SAMMSON: variants seen among roughly 807,000 people sequenced by gnomAD.
The protein encoded by SAMMSON is survival associated mitochondrial melanoma specific oncogenic non-coding RNA.
intron 4 of SAMMSON, among the ~76,000 whole-genome samples, chr3:70,239,398 G>A (rs546951756): frequency 6.6e-6 from 1 of 152,138 alleles, no homozygotes; most frequent in South Asian, 2.1e-4. Flanking sequence ...CACCATTCAG[G>A]ATGTTATGCA....
In SAMMSON at chr3:70,293,089, G is replaced by A. The variant is rs149626024; in HGVS notation, n.739+1846G>A. 5.1e-3 allele frequency among the ~76,000 whole-genome samples: 705 copies of A among 138,954 alleles called. 8 individuals carry two copies. The highest frequency in any genetic ancestry group is 0.018 in the African/African-American group (669 of 37,850). 91.2% of individuals were successfully genotyped at this position (138,954 alleles called of 152,430 possible). ...AAAAAAAAGTAGCATATTACATGAC[G>A]AGAAGAAAGAAAATTCAGTATTCAC... On this transcript the variant is annotated intron_variant and non_coding_transcript_variant, in intron 7 of 9. Transcript: ENST00000642114.
intron 1 of SAMMSON, among the ~76,000 whole-genome samples, chr3:70,002,292 C>CGTTGAAGG (rs2107573742): frequency 6.6e-6 from 1 of 152,186 alleles, no homozygotes; most frequent in South Asian, 2.1e-4. Context: ...CATCAAACAG[C>CGTTGAAGG]GTTGAAGGCC....
intron 4 of SAMMSON, among the ~76,000 whole-genome samples, chr3:70,247,696 C>T (rs1166555593): frequency 1.3e-5 from 2 of 151,618 alleles, no homozygotes; most frequent in Non-Finnish European, 2.9e-5. Flanking sequence ...GGTTTTGTTT[C>T]TACTGTATAC....
At chr3:70,255,030 T>TATAA (rs527682897) in intron 6 of SAMMSON, among the ~76,000 whole-genome samples, 140 of 152,322 alleles carry the variant, frequency 9.2e-4, no homozygotes, top group African/African-American at 3.2e-3. Flanking sequence ...AACAATACTT[T>TATAA]TTGAAATGAG....
chr3:70,356,668 C>G (rs1575632688), intron 8 of SAMMSON, among the ~76,000 whole-genome samples: 1 of 152,016 alleles, frequency 6.6e-6, no homozygotes, highest in Non-Finnish European at 1.5e-5. Flanking sequence ...AACTCTTAAA[C>G]TTTTAAAATA....
intron 3 of SAMMSON, among the ~76,000 whole-genome samples, chr3:70,063,094 A>AC (rs950324750): frequency 9.6e-6 from 1 of 104,620 alleles, no homozygotes; most frequent in South Asian, 3.3e-4. Flanking sequence ...AGCCCCCCCC[A>AC]CCCCCGCCGC....
intron 4 of SAMMSON, among the ~76,000 whole-genome samples, chr3:70,130,993 T>C (rs555062712): frequency 6.6e-6 from 1 of 152,296 alleles, no homozygotes; most frequent in African/African-American, 2.4e-5. Flanking sequence ...TAAATGAAAC[T>C]CTGGTCAGTT....
chr3:70,076,053 A>G (rs2067247485), intron 4 of SAMMSON, among the ~76,000 whole-genome samples: 1 of 152,144 alleles, frequency 6.6e-6, no homozygotes, highest in South Asian at 2.1e-4. Flanking sequence ...GAGAGTTTAG[A>G]AACATTATTT....
At chr3:70,330,901 C>A (rs1018277384) in intron 7 of SAMMSON, among the ~76,000 whole-genome samples, 9 of 152,002 alleles carry the variant, frequency 5.9e-5, no homozygotes, top group Admixed American at 5.9e-4. Context: ...AAATTATAGA[C>A]AACTCATTAA....
At chr3:70,260,856 T>A (rs1294920126) in intron 6 of SAMMSON, among the ~76,000 whole-genome samples, 2 of 152,012 alleles carry the variant, frequency 1.3e-5, no homozygotes. Flanking sequence ...CTTTATAAAC[T>A]CTCCTCCAGT....
At chr3:70,163,825 G>T (rs1468865880) in intron 4 of SAMMSON, among the ~76,000 whole-genome samples, 2 of 151,950 alleles carry the variant, frequency 1.3e-5, no homozygotes, top group African/African-American at 4.8e-5. Context: ...TCTGGAGAAA[G>T]TTAGAAAAAA....
In SAMMSON at chr3:70,145,420, A is replaced by G. The variant is rs112126971; in HGVS notation, n.507+73855A>G. On this transcript the variant is annotated intron_variant and non_coding_transcript_variant, in intron 4 of 9. Coordinates refer to ENST00000642114, the Ensembl canonical transcript of SAMMSON. ...GAATAATAGCCTTTTCAAAGTATGT[A>G]GAGCATCTTCAGGACAGATCATATC... Among the ~76,000 whole-genome samples the G allele has an allele frequency of 9.6e-3, 1,457 of 152,282 alleles. 17 individuals carry two copies. The highest frequency in any genetic ancestry group is 0.033 in the African/African-American group (1,367 of 41,584).
intron 3 of SAMMSON, among the ~76,000 whole-genome samples, chr3:70,053,388 T>C (rs147203281): frequency 1.7e-4 from 26 of 152,276 alleles, no homozygotes; most frequent in African/African-American, 6.0e-4. Flanking sequence ...ACTGTGATCA[T>C]GAAGACTTGT....
intron 4 of SAMMSON, among the ~76,000 whole-genome samples, chr3:70,218,153 C>T (rs951806879): frequency 1.1e-4 from 17 of 152,142 alleles, no homozygotes; most frequent in African/African-American, 4.1e-4. Flanking sequence ...AAATTTAGCC[C>T]AGTGGTCTCC....
chr3:70,402,463 C>T (rs556033882), intron 2 of SAMMSON, among the ~76,000 whole-genome samples: 4 of 152,202 alleles, frequency 2.6e-5, no homozygotes, highest in Admixed American at 2.6e-4. Context: ...TGAAGTTCAT[C>T]ATTCATGGAT....
At position 70,368,392 on chromosome 3, in the gene SAMMSON, G is replaced by A. The variant is rs1702937662; in HGVS notation, n.913+10068G>A. Among the ~76,000 whole-genome samples the A allele has an allele frequency of 2.0e-5, 3 of 151,596 alleles. No individual in the cohort carries two copies. In the South Asian group the frequency reaches 6.2e-4, roughly 31 times the overall value. Reference sequence around the variant, plus strand: ...AAGTTAAAATGCACAGAGAAAGACTGTTAGGAAATATTCTAAAACATTAAC... The same window carrying A: ...AAGTTAAAATGCACAGAGAAAGACTATTAGGAAATATTCTAAAACATTAAC... On this transcript the variant is annotated intron_variant and non_coding_transcript_variant, in intron 9 of 9. Transcript: ENST00000642114.
intron 4 of SAMMSON, among the ~76,000 whole-genome samples, chr3:70,122,132 C>T (rs2067437156): frequency 6.6e-6 from 1 of 152,278 alleles, no homozygotes; most frequent in African/African-American, 2.4e-5. Flanking sequence ...TTTATTTTCA[C>T]TAATACTATG....
intron 3 of SAMMSON, among the ~76,000 whole-genome samples, chr3:70,051,313 C>G (rs2067145080): frequency 6.6e-6 from 1 of 150,626 alleles, no homozygotes; most frequent in African/African-American, 2.4e-5. Context: ...ACCAATTAAA[C>G]AACATAGTTC....
chr3:70,257,287 C>A (rs1250030723), intron 6 of SAMMSON, among the ~76,000 whole-genome samples: 2 of 152,146 alleles, frequency 1.3e-5, no homozygotes, highest in African/African-American at 4.8e-5. Context: ...GAATAGACTT[C>A]TTTGGTAATT....
Sources: allele counts gnomAD v4.1 joint callset (sites outside exome capture counted in the v4.1 genomes callset), GRCh38; gene constraint gnomAD v4.1.1; transcripts MANE v1.5; gene names NCBI Gene and HGNC (gene_info 2026-07-23, HGNC 2026-07-21).